The following MSI2 variants were observed in gnomAD, a reference collection of about 807,000 sequenced individuals.
The protein encoded by MSI2 is RNA-binding protein Musashi homolog 2.
MSI2 carries 17 observed loss-of-function variants against 45.6 expected under a neutral mutation model. The ratio of observed to expected loss-of-function variants is 0.37; its 90% confidence interval spans 0.26 to 0.56. The LOEUF is 0.56. Among genes scored for constraint, MSI2 ranks in the 20% least tolerant of loss-of-function variants. The pLI, the probability that MSI2 is intolerant of heterozygous loss-of-function variation, is 0.77. For missense variants in MSI2, 293 were observed against 444.2 expected (o/e 0.66, Z 3.06); for synonymous variants, 156 against 158.2 (o/e 0.99, Z 0.11).
chr17:57,353,681 T>C (rs1043914626), intron 5 of MSI2, among the ~76,000 whole-genome samples: 1 of 152,162 alleles, frequency 6.6e-6, no homozygotes, highest in African/African-American at 2.4e-5. Flanking sequence ...CCAGTACCAG[T>C]AGATTGAAGA....
intron 5 of MSI2, among the ~76,000 whole-genome samples, chr17:57,394,526 C>T (rs1347113055): frequency 6.6e-6 from 1 of 152,226 alleles, no homozygotes; most frequent in African/African-American, 2.4e-5. Context: ...AAAAGTATAT[C>T]TCAACAGCTC....
At chr17:57,277,739 A>G (rs939433209) in intron 5 of MSI2, among the ~76,000 whole-genome samples, 12 of 152,172 alleles carry the variant, frequency 7.9e-5, no homozygotes, top group African/African-American at 2.7e-4. Flanking sequence ...ATGAGCATCT[A>G]CCTGACAGGA....
intron 6 of MSI2, among the ~76,000 whole-genome samples, chr17:57,443,462 G>C (rs907702939): frequency 6.6e-6 from 1 of 152,180 alleles, no homozygotes; most frequent in Non-Finnish European, 1.5e-5. Flanking sequence ...CCAAAGAAAG[G>C]CCTGGAAAAG....
chr17:57,471,102 G>T (rs895576678), intron 6 of MSI2, among the ~76,000 whole-genome samples: 1 of 152,038 alleles, frequency 6.6e-6, no homozygotes, highest in African/African-American at 2.4e-5. Context: ...CCCTGGGGGT[G>T]GTGGCTGCCC....
intron 6 of MSI2, among the ~76,000 whole-genome samples, chr17:57,475,381 CAA>C (rs536633126): frequency 3.2e-4 from 49 of 152,190 alleles, no homozygotes; most frequent in Non-Finnish European, 6.3e-4. Context: ...TGCGTGCACA[CAA>C]GAGAGGAGAG....
At chr17:57,618,114 T>A (rs1287578684) in intron 9 of MSI2, 1 of 141,100 alleles carries the variant, frequency 7.1e-6, no homozygotes, top group African/African-American at 2.5e-5. Flanking sequence ...ATTAGCGGGG[T>A]GTGGTGGCGT....
At chr17:57,595,268 A>G (rs1453627488) in intron 7 of MSI2, among the ~76,000 whole-genome samples, 1 of 151,938 alleles carries the variant, frequency 6.6e-6, no homozygotes, top group African/African-American at 2.4e-5. Context: ...TGGAAACACA[A>G]TTATCATAAT....
At chr17:57,383,622 T>G (rs1484387019) in intron 5 of MSI2, among the ~76,000 whole-genome samples, 3 of 152,086 alleles carry the variant, frequency 2.0e-5, no homozygotes, top group Non-Finnish European at 4.4e-5. Context: ...GATTGCATCA[T>G]TGCACTCCAG....
chr17:57,511,640 G>C (rs903890404), intron 6 of MSI2, among the ~76,000 whole-genome samples: 2 of 151,970 alleles, frequency 1.3e-5, no homozygotes, highest in African/African-American at 4.8e-5. Context: ...TCTGCCTCTG[G>C]CCTGCTGTGT....
chr17:57,429,435 C>T (rs1329540982), intron 6 of MSI2, among the ~76,000 whole-genome samples: 2 of 152,200 alleles, frequency 1.3e-5, no homozygotes, highest in Non-Finnish European at 2.9e-5. Context: ...CTCCTGCTGC[C>T]GCTGTCCTTC....
chr17:57,276,043 G>A, intron 5 of MSI2, among the ~76,000 whole-genome samples: 1 of 152,134 alleles, frequency 6.6e-6, no homozygotes, highest in East Asian at 1.9e-4. Context: ...CACAGTCTTG[G>A]ACCAGTTTTC....
At chr17:57,374,639 A>G (rs1414854894) in intron 5 of MSI2, among the ~76,000 whole-genome samples, 1 of 152,130 alleles carries the variant, frequency 6.6e-6, no homozygotes, top group Non-Finnish European at 1.5e-5. Flanking sequence ...TTAGCTGGGC[A>G]TGGTGGTGCA....
intron 5 of MSI2, among the ~76,000 whole-genome samples, chr17:57,306,714 T>A (rs547470240): frequency 5.3e-4 from 80 of 150,226 alleles, no homozygotes; most frequent in African/African-American, 1.9e-3. Context: ...TTTTGTTTTA[T>A]CTATTTATCT....
chr17:57,339,910 G>A (rs1914990916), intron 5 of MSI2, among the ~76,000 whole-genome samples: 2 of 152,122 alleles, frequency 1.3e-5, no homozygotes, highest in Admixed American at 1.3e-4. Context: ...AAGGTCCCTG[G>A]CCTCCAGTGT....
At chr17:57,341,214 T>A (rs1300543098) in intron 5 of MSI2, among the ~76,000 whole-genome samples, 5 of 152,116 alleles carry the variant, frequency 3.3e-5, no homozygotes, top group African/African-American at 9.7e-5. Context: ...GGCAGCTCAG[T>A]GTGGCCCCAG....
At chr17:57,443,549 A>G (rs2084840459) in intron 6 of MSI2, among the ~76,000 whole-genome samples, 1 of 152,144 alleles carries the variant, frequency 6.6e-6, no homozygotes, top group African/African-American at 2.4e-5. Context: ...GGTTGGAAGA[A>G]CCAACTCCCA....
chr17:57,351,314 C>G (rs1916013700), intron 5 of MSI2, among the ~76,000 whole-genome samples: 2 of 152,028 alleles, frequency 1.3e-5, no homozygotes, highest in Admixed American at 1.3e-4. Flanking sequence ...CCATGTCATT[C>G]CAGTATTCCC....
intron 8 of MSI2, among the ~76,000 whole-genome samples, chr17:57,599,175 G>A (rs12450714): frequency 0.1 from 15,293 of 152,266 alleles, 920 homozygotes; most frequent in African/African-American, 0.15. Context: ...TAGACCGGAA[G>A]GACATTGCTC....
At chr17:57,631,787 G>T (rs1296409276) in intron 10 of MSI2, 17 of 1,610,946 alleles carry the variant, frequency 1.1e-5, no homozygotes, top group Non-Finnish European at 1.4e-5. Context: ...ATTTCACTTT[G>T]CAGACTATTT....
Sources: gnomAD v4.1 joint callset for allele counts (sites outside exome capture counted in the v4.1 genomes callset) on GRCh38, gnomAD v4.1.1 for gene constraint, MANE v1.5 for transcripts, NCBI Gene and HGNC (gene_info 2026-07-23, HGNC 2026-07-21) for gene names.